Variants in FAM135B observed in about 807,000 individuals in gnomAD.
FAM135B encodes family with sequence similarity 135 member B.
In FAM135B, 43 loss-of-function variants were observed where a neutral mutation model predicts 127.7. The observed-to-expected ratio is 0.34, with a 90% CI of 0.26 to 0.43. FAM135B has a LOEUF of 0.43. Among genes scored for constraint, FAM135B ranks in the 20% least tolerant of loss-of-function variants. The probability of loss-of-function intolerance (pLI) is 1.00; values close to 1 mark genes in which losing one functional copy is unlikely to be tolerated. For synonymous variants in FAM135B, 670 were observed against 665.1 expected (o/e 1.01, Z -0.11); for missense variants, 1,558 against 1,725.6 (o/e 0.90, Z 1.72).
chr8:138,418,896 A>C (rs1396338930), intron 1 of FAM135B, among the ~76,000 whole-genome samples: 2 of 151,964 alleles, frequency 1.3e-5, no homozygotes, highest in South Asian at 2.1e-4. Context: ...AAAAAAAAAA[A>C]AAAACATACT....
chr8:138,165,122 A>ATTT (rs5895498), intron 12 of FAM135B, among the ~76,000 whole-genome samples: 11 of 142,550 alleles, frequency 7.7e-5, no homozygotes, highest in Middle Eastern at 7.2e-3. Context: ...TATTTAATTG[A>ATTT]TTTTTTTTTT....
At chr8:138,283,421 T>TAAA (rs35095288) in intron 3 of FAM135B, among the ~76,000 whole-genome samples, 11 of 148,582 alleles carry the variant, frequency 7.4e-5, no homozygotes, top group Non-Finnish European at 1.3e-4. Context: ...ATGGATACAG[T>TAAA]AAAAAAAAAA....
chr8:138,197,746 C>A (rs1392593117), intron 7 of FAM135B, 77 bp from the exon 8 acceptor site: 2 of 1,476,148 alleles, frequency 1.4e-6, no homozygotes, highest in Non-Finnish European at 1.9e-6. Flanking sequence ...ATGCTCCATC[C>A]ACCCGCACCA....
At position 138,155,732 on chromosome 8, in the gene FAM135B, A is replaced by G. The variant is rs541395783; in HGVS notation, c.1259-2516T>C. Among the ~76,000 whole-genome samples the G allele has an allele frequency of 3.4e-3, 520 of 152,350 alleles. 2 individuals carry two copies. Among genetic ancestry groups the G allele is most frequent in the African/African-American group, 0.012 (490 of 41,584 alleles). The stretch of plus-strand genomic sequence containing the variant: ...ACATAATGGTAAAGGGATCAATTCC[A>G]CAAGAAGATCTAACTGTCCTAAATA... On this transcript the variant is annotated intron_variant, in intron 12 of 19. Coordinates refer to ENST00000395297, the MANE Select transcript of FAM135B (RefSeq NM_015912.4).
chr8:138,138,564 T>G (rs985863977), intron 18 of FAM135B, among the ~76,000 whole-genome samples: 1 of 152,234 alleles, frequency 6.6e-6, no homozygotes, highest in Non-Finnish European at 1.5e-5. Flanking sequence ...GCAGGTATCA[T>G]AGCAGGCCTG....
rs367792994 is a variant in FAM135B, at chr8:138,292,762, T to C, written c.157+18079A>G. On this transcript the variant is annotated intron_variant, in intron 3 of 19. Transcript: ENST00000395297. The stretch of plus-strand genomic sequence containing the variant: ...ATAAATGGAAACACATCTCATGTCA[T>C]GGATTGGAAAGCTCAATATCGTGAA... Among the ~76,000 whole-genome samples, 47 of 152,246 alleles carry C rather than the reference T, an allele frequency of 3.1e-4. 2 individuals are homozygous for C. The highest frequency in any genetic ancestry group is 1.1e-3 in the African/African-American group (46 of 41,580).
chr8:138,426,466 T>G (rs1834895614), intron 1 of FAM135B, among the ~76,000 whole-genome samples: 1 of 151,362 alleles, frequency 6.6e-6, no homozygotes, highest in Non-Finnish European at 1.5e-5. Context: ...AACTGTGCCA[T>G]TCTTGGTGAT....
intron 3 of FAM135B, among the ~76,000 whole-genome samples, chr8:138,303,155 A>AT (rs1368434972): frequency 6.6e-6 from 1 of 152,198 alleles, no homozygotes; most frequent in East Asian, 1.9e-4. Context: ...TCGCAGCACT[A>AT]TTTACAATAG....
intron 1 of FAM135B, among the ~76,000 whole-genome samples, chr8:138,451,440 G>C (rs1357099685): frequency 6.6e-6 from 1 of 152,200 alleles, no homozygotes; most frequent in African/African-American, 2.4e-5. Context: ...AAATAGAGAA[G>C]GTCTTGAAGG....
chr8:138,335,801 A>G (rs1348693781), intron 2 of FAM135B, among the ~76,000 whole-genome samples: 1 of 152,200 alleles, frequency 6.6e-6, no homozygotes, highest in Non-Finnish European at 1.5e-5. Flanking sequence ...AACAGAATAT[A>G]CACTCTTCTC....
intron 2 of FAM135B, among the ~76,000 whole-genome samples, chr8:138,339,146 T>G (rs1828847516): frequency 6.6e-6 from 1 of 150,616 alleles, no homozygotes; most frequent in Admixed American, 6.6e-5. Context: ...CATTAGGAGA[T>G]ACACCTAATG....
chr8:138,312,360 C>G (rs1386990853), intron 2 of FAM135B, among the ~76,000 whole-genome samples: 1 of 152,136 alleles, frequency 6.6e-6, no homozygotes, highest in East Asian at 1.9e-4. Context: ...TAACTGTATA[C>G]AGAAAACAAG....
chr8:138,441,014 C>G (rs1402093185), intron 1 of FAM135B: 1 of 152,222 alleles, frequency 6.6e-6, no homozygotes, highest in Non-Finnish European at 1.5e-5. Context: ...GCGCCTGCAC[C>G]AAGACCCCCA....
intron 1 of FAM135B, among the ~76,000 whole-genome samples, chr8:138,427,272 A>ATT (rs372408382): frequency 2.1e-5 from 3 of 146,128 alleles, no homozygotes; most frequent in Admixed American, 7.5e-5. Flanking sequence ...ATTCATCAAG[A>ATT]TTATATATAT....
chr8:138,485,822 G>C (rs1042974548), intron 1 of FAM135B, among the ~76,000 whole-genome samples: 1 of 152,068 alleles, frequency 6.6e-6, no homozygotes, highest in Non-Finnish European at 1.5e-5. Flanking sequence ...AGCAATAGTA[G>C]GAAAACTCAA....
rs201864633 is a variant in FAM135B at position 138,197,589 on chromosome 8, G to T, written c.750C>A (p.His250Gln). ...WHRDLCLLLL[H>Q]AYRGLRLHFL... is the part of the protein sequence containing the mutation. ...AGTGGAGACGGAGACCCCGGTAAGC[G>T]TGGAGGAGCAACAGGCACAGGTCTC... The change falls in exon 8 of 20, where the codon CAC (histidine) becomes CAA (glutamine). Residue 250 changes from histidine to glutamine, a missense_variant. Transcript: ENST00000395297. The T allele has an allele frequency of 6.2e-7, 1 of 1,614,146 alleles. No individual in the cohort carries two copies. Among genetic ancestry groups the T allele is most frequent in the African/African-American group, 1.3e-5 (1 of 75,042 alleles).
rs773826504 is a variant in FAM135B at position 138,151,231 on chromosome 8, T to G, written c.3244A>C (p.Ser1082Arg). Reference sequence around the variant, plus strand: ...TCACTGACTTCCTCATCCAACGTGCTGGAATGGGTAGAAACAACTCCAAAG... The same window carrying G: ...TCACTGACTTCCTCATCCAACGTGCGGGAATGGGTAGAAACAACTCCAAAG... ...GSFGVVSTHSSTLDEEVSERM... is the reference protein window; with the variant it reads ...GSFGVVSTHSRTLDEEVSERM... Residue 1082 changes from serine to arginine, a missense_variant, in exon 13 of 20, where the codon AGC becomes CGC. Ser to Arg is a moderately radical substitution (Grantham distance 110, BLOSUM62 -1). Transcript: ENST00000395297. 7 of 1,578,396 alleles carry G rather than the reference T, an allele frequency of 4.4e-6. No individual in the cohort carries two copies. The highest frequency in any genetic ancestry group is 5.2e-6 in the Non-Finnish European group (6 of 1,162,362).
chr8:138,400,000 A>G (rs1393881353), intron 1 of FAM135B, among the ~76,000 whole-genome samples: 1 of 152,166 alleles, frequency 6.6e-6, no homozygotes, highest in Admixed American at 6.5e-5. Context: ...ATCCTTTGAA[A>G]CTATCTAGCT....
At chr8:138,342,131 C>A (rs1829091983) in intron 2 of FAM135B, among the ~76,000 whole-genome samples, 1 of 152,196 alleles carries the variant, frequency 6.6e-6, no homozygotes, top group Non-Finnish European at 1.5e-5. Context: ...CCCCACAAAA[C>A]ACCATGAAAT....
Sources: allele counts gnomAD v4.1 joint callset (sites outside exome capture counted in the v4.1 genomes callset), GRCh38; gene constraint gnomAD v4.1.1; transcripts MANE v1.5; gene names NCBI Gene and HGNC (gene_info 2026-07-23, HGNC 2026-07-21).